CXorf58: variants seen among roughly 807,000 people sequenced by gnomAD.
CXorf58 encodes the protein uncharacterized protein CXorf58.
CXorf58 carries 24 observed loss-of-function variants against 26.0 expected under a neutral mutation model. The ratio of observed to expected loss-of-function variants is 0.92; its 90% CI spans 0.67 to 1.30. The LOEUF is 1.30. Ranked by LOEUF, CXorf58 falls within the 50% of genes most tolerant of loss-of-function variation. The pLI is 0.00. For missense variants in CXorf58, 236 were observed against 263.9 expected, an observed-to-expected ratio of 0.89 and a Z score of 0.73; for synonymous variants, 87 against 86.1, an observed-to-expected ratio of 1.01 and a Z score of -0.06.
intron 1 of CXorf58, among the ~76,000 whole-genome samples, chrX:23,908,865 T>C (rs1927489661): frequency 2.7e-5 from 3 of 112,052 alleles, no homozygotes; most frequent in African/African-American, 9.7e-5. Context: ...AACGCACACG[T>C]AGGAACACAG....
Position 23,938,625 on chromosome X carries a change from CA to C in CXorf58, c.866del (p.Lys289SerfsTer5), listed in dbSNP as rs1179764912. ...NQVKFLGRRS[K>X]QAQMKVEKMR... ...AAGTTAAATTTCTGGGTCGTCGATC[CA>C]AGCAAGCTCAAATGAAAGTTGAAAA... On this transcript the variant is annotated frameshift_variant, in exon 8 of 9. Transcript: ENST00000379211. LOFTEE classifies it high-confidence loss of function. 8.4e-7 allele frequency: 1 copy of C among 1,190,798 alleles called. No homozygotes were observed. Among genetic ancestry groups the C allele is most frequent in the Non-Finnish European group, 1.1e-6 (1 of 881,847 alleles).
At chrX:23,921,658 TTGTTTTTGTTTTTTG>T (rs1344151284) in intron 5 of CXorf58, among the ~76,000 whole-genome samples, 10 of 111,596 alleles carry the variant, frequency 9.0e-5, no homozygotes, top group Non-Finnish European at 1.3e-4. Context: ...TGTTTTTTGT[TTGTTTTTGTTTTTTG>T]TGTTTTTGTT....
At chrX:23,930,688 ACT>A (rs1601968464) in intron 6 of CXorf58, among the ~76,000 whole-genome samples, 1 of 110,391 alleles carries the variant, frequency 9.1e-6, no homozygotes, top group Non-Finnish European at 1.9e-5. Context: ...TCAAGGTAAG[ACT>A]CTCTACCAGC....
chrX:23,911,199 C>G (rs905136144), intron 2 of CXorf58, among the ~76,000 whole-genome samples: 2 of 110,891 alleles, frequency 1.8e-5, no homozygotes, highest in Non-Finnish European at 3.8e-5. Flanking sequence ...GGAGGAGACC[C>G]CTACAATCTG....
At chrX:23,917,311 G>T (rs1601959804) in intron 5 of CXorf58, among the ~76,000 whole-genome samples, 1 of 102,195 alleles carries the variant, frequency 9.8e-6, no homozygotes. Flanking sequence ...CCCCAGCCTG[G>T]GCAACAGAGT....
chrX:23,934,990 G>A (rs952095869), intron 6 of CXorf58, among the ~76,000 whole-genome samples: 9 of 109,175 alleles, frequency 8.2e-5, no homozygotes, highest in African/African-American at 2.0e-4. Context: ...TGAGCCTCCC[G>A]AGTAGCTGGA....
intron 3 of CXorf58, among the ~76,000 whole-genome samples, chrX:23,913,207 G>T (rs907940502): frequency 1.0e-4 from 11 of 110,499 alleles, no homozygotes; most frequent in African/African-American, 3.6e-4. Context: ...TTGAGATGAA[G>T]TCTCACTCTG....
chrX:23,915,404 A>C (rs752751158), intron 3 of CXorf58, among the ~76,000 whole-genome samples: 73 of 111,859 alleles, frequency 6.5e-4, no homozygotes, highest in African/African-American at 2.4e-3. Flanking sequence ...GTCTAGTAGG[A>C]GGCACAGACA....
intron 5 of CXorf58, 67 bp downstream of exon 5, chrX:23,916,395 C>T (rs1485820098): frequency 1.5e-6 from 1 of 656,560 alleles, no homozygotes; most frequent in Admixed American, 2.9e-5. Context: ...ATCTGAATTG[C>T]ATTCAAATTA....
intron 6 of CXorf58, among the ~76,000 whole-genome samples, chrX:23,930,217 AG>A (rs1928132345): frequency 1.9e-5 from 2 of 106,599 alleles, no homozygotes; most frequent in Non-Finnish European, 3.9e-5. Context: ...AAAAAAAAAA[AG>A]AAAAAAGAAA....
intron 1 of CXorf58, among the ~76,000 whole-genome samples, chrX:23,908,684 C>G (rs1927483196): frequency 1.8e-5 from 2 of 111,855 alleles, no homozygotes; most frequent in African/African-American, 6.5e-5. Context: ...GATGTATTTC[C>G]TATTTCATTC....
At chrX:23,929,365 C>T (rs1404348071) in intron 6 of CXorf58, among the ~76,000 whole-genome samples, 1 of 97,881 alleles carries the variant, frequency 1.0e-5, no homozygotes, top group Non-Finnish European at 2.0e-5. Context: ...GAAATTGCGC[C>T]ACTGCACTCC....
intron 5 of CXorf58, 198 bp downstream of exon 5, chrX:23,916,526 G>A: frequency 3.5e-6 from 1 of 281,860 alleles, no homozygotes; most frequent in Non-Finnish European, 5.9e-6. Context: ...AAAGACATTT[G>A]GAGTGAATTA....
At chrX:23,930,211 A>AAAAAAAG (rs1928130825) in intron 6 of CXorf58, among the ~76,000 whole-genome samples, 1 of 107,123 alleles carries the variant, frequency 9.3e-6, no homozygotes, top group African/African-American at 3.4e-5. Context: ...AAAAAAAAAA[A>AAAAAAAG]AAAAAAGAAA....
chrX:23,911,951 C>CTTTTTT, intron 3 of CXorf58, 95 bp downstream of exon 3: 1 of 577,038 alleles, frequency 1.7e-6, no homozygotes, highest in East Asian at 4.1e-5. Flanking sequence ...TCTTTATCTC[C>CTTTTTT]TCTTTTTTTT....
intron 6 of CXorf58, among the ~76,000 whole-genome samples, chrX:23,934,321 C>T (rs1272747271): frequency 1.8e-5 from 2 of 111,328 alleles, no homozygotes; most frequent in African/African-American, 6.6e-5. Context: ...GAGATGGGAT[C>T]AAAGAATGCC....
intron 6 of CXorf58, among the ~76,000 whole-genome samples, chrX:23,927,916 C>T (rs965565984): frequency 1.9e-4 from 21 of 111,425 alleles, no homozygotes; most frequent in African/African-American, 6.2e-4. Context: ...TTCATTACCC[C>T]GAAAGGAAAC....
At chrX:23,929,454 A>G (rs1254463262) in intron 6 of CXorf58, among the ~76,000 whole-genome samples, 4 of 110,691 alleles carry the variant, frequency 3.6e-5, no homozygotes, top group Non-Finnish European at 7.6e-5. Context: ...ACCAGCCACA[A>G]TATTCCCTTA....
At chrX:23,925,514 A>G (rs148427356) in intron 5 of CXorf58, among the ~76,000 whole-genome samples, 83 of 108,469 alleles carry the variant, frequency 7.7e-4, no homozygotes, top group Non-Finnish European at 1.1e-3. Flanking sequence ...TGCTAGGCAA[A>G]TTTTTGTATT....
Sources: gnomAD v4.1 joint callset for allele counts (sites outside exome capture counted in the v4.1 genomes callset) on GRCh38, gnomAD v4.1.1 for gene constraint, MANE v1.5 for transcripts, NCBI Gene and HGNC (gene_info 2026-07-23, HGNC 2026-07-21) for gene names.